Variants in VWF observed in about 807,000 individuals in gnomAD.
VWF encodes von Willebrand factor.
Under a neutral mutation model 308.6 loss-of-function variants are expected in VWF, and 176 were observed. The ratio of observed to expected loss-of-function variants is 0.57; its 90% CI spans 0.50 to 0.65. The LOEUF (loss-of-function observed/expected upper bound fraction) is 0.65. Ranked by LOEUF, VWF falls within the 30% of genes least tolerant of loss-of-function variation. The probability of loss-of-function intolerance (pLI) is 0.00; values close to 1 mark genes in which losing one functional copy is unlikely to be tolerated. For missense variants in VWF, 3,146 were observed against 3,648.2 expected (o/e 0.86, Z 3.55); for synonymous variants, 1,385 against 1,443.4 (o/e 0.96, Z 0.92).
rs1183778615 is a variant in VWF, at chr12:5,951,854, G to A, written c.8145C>T (p.Cys2715=). Residue 2715 remains cysteine, a synonymous_variant, in exon 50 of 52, where the codon TGC becomes TGT. Transcript: ENST00000261405. ...GGKIMKIPGT[C]CDTCEEPECN... The stretch of plus-strand genomic sequence containing the variant: ...TAGTAACGCACTCACATGTGTCACA[G>A]CAGGTGCCTGGAATTTTCATAATTT... The A allele has an allele frequency of 4.3e-6, 7 of 1,614,202 alleles. No homozygotes were observed. The highest frequency in any genetic ancestry group is 1.6e-4 in the Middle Eastern group (1 of 6,062).
In VWF at chr12:6,091,010, G is replaced by A. The variant is rs576832078; in HGVS notation, c.657+4450C>T. ...AACTCAGTCCGCCTTTGTTAGTGCC[G>A]GTACTGGGCTAGGATCCAGGTGATG... On this transcript the variant is annotated intron_variant, in intron 6 of 51. Coordinates refer to ENST00000261405, the MANE Select transcript of VWF (RefSeq NM_000552.5). Among the ~76,000 whole-genome samples the A allele has an allele frequency of 6.6e-5, 10 of 152,288 alleles. No homozygotes were observed. In the East Asian group the frequency reaches 1.3e-3, roughly 21 times the overall value.
intron 13 of VWF, among the ~76,000 whole-genome samples, chr12:6,062,181 A>G (rs1944661368): frequency 6.6e-6 from 1 of 152,174 alleles, no homozygotes; most frequent in Admixed American, 6.5e-5. Context: ...AAAGGCATTC[A>G]AGACCAAAAA....
Position 6,019,328 on chromosome 12 carries a change from T to C in VWF, c.4090A>G (p.Thr1364Ala), listed in dbSNP as rs781543243. 1.2e-6 allele frequency: 2 copies of C among 1,613,748 alleles called. No individual in the cohort carries two copies. The highest frequency in any genetic ancestry group is 1.7e-5 in the Admixed American group (1 of 60,002). Reference protein sequence around the residue: ...VASTSEVLKYTLFQIFSKIDR... With the variant: ...VASTSEVLKYALFQIFSKIDR... ...ATCTTGCTGAAGATTTGGAACAGTG[T>C]GTATTTCAAGACCTCGCTGGTGGAG... is the stretch of plus-strand genomic sequence containing the variant. The change falls in exon 28 of 52, where the codon ACA (threonine) becomes GCA (alanine). Residue 1364 changes from threonine to alanine, a missense_variant. By Grantham distance (58) the Thr-to-Ala change is moderately conservative. This residue lies in a region of VWF where 853 missense variants were observed against 1,177.8 expected (regional missense o/e 0.72). Coordinates refer to ENST00000261405, the MANE Select transcript of VWF (RefSeq NM_000552.5). The surrounding 1 kb of genome is among the most constrained non-coding windows in gnomAD (Gnocchi z 5.8).
intron 6 of VWF, among the ~76,000 whole-genome samples, chr12:6,094,103 C>T (rs770481025): frequency 6.6e-6 from 1 of 152,148 alleles, no homozygotes; most frequent in Non-Finnish European, 1.5e-5. Context: ...CCAAAAATGA[C>T]GGAAGCAAGG....
chr12:5,950,679 T>C (rs1943179705), intron 50 of VWF, among the ~76,000 whole-genome samples: 1 of 152,084 alleles, frequency 6.6e-6, no homozygotes, highest in African/African-American at 2.4e-5. Flanking sequence ...AAAAAACATT[T>C]AGACCAGCAT....
At position 6,015,758 on chromosome 12, in the gene VWF, C is replaced by G. The variant is rs538693465; in HGVS notation, c.5455+331G>C. On this transcript the variant is annotated intron_variant, in intron 31 of 51. Transcript: ENST00000261405. ...TACAATGAATCACTCTGGCCTCAGA[C>G]ATGACATTTTAGTAAGAGACCACGA... is the stretch of plus-strand genomic sequence containing the variant. Among the ~76,000 whole-genome samples the G allele has an allele frequency of 6.6e-5, 10 of 152,270 alleles. No homozygotes were observed. In the East Asian group the frequency reaches 1.9e-3, roughly 29 times the overall value.
At chr12:6,064,817 C>A (rs1944693105) in intron 11 of VWF, among the ~76,000 whole-genome samples, 1 of 152,198 alleles carries the variant, frequency 6.6e-6, no homozygotes, top group African/African-American at 2.4e-5. Flanking sequence ...CCCACCCCAG[C>A]CATCCCCAGC....
At chr12:5,992,605 T>C (rs1014433726) in intron 37 of VWF, among the ~76,000 whole-genome samples, 2 of 152,248 alleles carry the variant, frequency 1.3e-5, no homozygotes, top group African/African-American at 4.8e-5. Flanking sequence ...GGTTTTGTTG[T>C]CCTTTTTTGA....
At chr12:6,047,734 C>T (rs534393724) in intron 16 of VWF, among the ~76,000 whole-genome samples, 3 of 152,316 alleles carry the variant, frequency 2.0e-5, no homozygotes, top group Non-Finnish European at 2.9e-5. Flanking sequence ...CTTTTCCCAT[C>T]GAGCACCGTG....
In VWF at chr12:6,075,325, G is replaced by A; in HGVS notation, c.874+10C>T. 6.2e-7 allele frequency: 1 copy of A among 1,613,834 alleles called. No homozygotes were observed. The highest frequency in any genetic ancestry group is 2.2e-5 in the East Asian group (1 of 44,876). The stretch of plus-strand genomic sequence containing the variant: ...CCGGCAGGGCAGGACGGGGCAGGGG[G>A]CCGACTTACTGCACGCGCTGTGGTC... On this transcript the variant is annotated intron_variant, in intron 7 of 51. Transcript: ENST00000261405. The surrounding 1 kb of genome is among the most constrained non-coding windows in gnomAD (Gnocchi z 4.7).
intron 16 of VWF, among the ~76,000 whole-genome samples, chr12:6,047,673 G>A (rs1163724982): frequency 6.6e-6 from 1 of 152,228 alleles, no homozygotes; most frequent in Non-Finnish European, 1.5e-5. Flanking sequence ...TGGTTGCTTT[G>A]TATGTATGTT....
chr12:6,087,790 T>A (rs1944989844), intron 6 of VWF, among the ~76,000 whole-genome samples: 2 of 152,056 alleles, frequency 1.3e-5, no homozygotes, highest in South Asian at 4.1e-4. Flanking sequence ...CAACTCTGAG[T>A]TCTTATGAGC....
At chr12:6,043,181 G>C (rs1205159570) in intron 18 of VWF, among the ~76,000 whole-genome samples, 3 of 152,214 alleles carry the variant, frequency 2.0e-5, no homozygotes, top group Non-Finnish European at 4.4e-5. Context: ...AGACAGAGGA[G>C]GAGAGAATTA....
intron 47 of VWF, among the ~76,000 whole-genome samples, chr12:5,966,161 G>A (rs1218702394): frequency 6.6e-6 from 1 of 152,082 alleles, no homozygotes; most frequent in East Asian, 1.9e-4. Context: ...TCTCCTGACT[G>A]CCCTGATTGG....
chr12:6,009,475 C>CA (rs1943968146), intron 34 of VWF, among the ~76,000 whole-genome samples: 1 of 149,572 alleles, frequency 6.7e-6, no homozygotes, highest in African/African-American at 2.5e-5. Context: ...CAGGAAATAC[C>CA]ACGTGTTAAC....
intron 6 of VWF, among the ~76,000 whole-genome samples, chr12:6,088,248 G>A (rs1370578957): frequency 6.6e-6 from 1 of 151,870 alleles, no homozygotes; most frequent in Non-Finnish European, 1.5e-5. Flanking sequence ...GGAGGCCGAG[G>A]CGGGCAGATC....
intron 49 of VWF, chr12:5,952,174 C>T: frequency 1.4e-6 from 1 of 707,310 alleles, no homozygotes. Context: ...ACACACTCAG[C>T]CTCCCTTAAG....
chr12:6,000,907 AT>A (rs1054274171), intron 34 of VWF, among the ~76,000 whole-genome samples: 4 of 152,004 alleles, frequency 2.6e-5, no homozygotes, highest in African/African-American at 9.7e-5. Flanking sequence ...TAAAGTGAGC[AT>A]TTTTATTTAT....
intron 34 of VWF, 31 bp from the exon 35 acceptor site, chr12:5,996,253 A>T: frequency 6.3e-7 from 1 of 1,582,078 alleles, no homozygotes; most frequent in Non-Finnish European, 8.6e-7. Context: ...GATGGATGCG[A>T]CGTTATCCAA....
Sources: allele counts gnomAD v4.1 joint callset (sites outside exome capture counted in the v4.1 genomes callset), GRCh38; gene constraint gnomAD v4.1.1; regional missense constraint gnomAD v4.1.1; non-coding constraint Gnocchi (gnomAD v3.1); transcripts MANE v1.5; gene names NCBI Gene and HGNC (gene_info 2026-07-23, HGNC 2026-07-21).